SLC49A4: variants seen among roughly 807,000 people sequenced by gnomAD.
SLC49A4 encodes solute carrier family 49 member 4.
A neutral mutation model predicts 50.6 loss-of-function variants in SLC49A4; 36 were observed. That is an observed-to-expected ratio of 0.71 (90% CI 0.55 to 0.94). The LOEUF (loss-of-function observed/expected upper bound fraction) is 0.94. SLC49A4 is among the 40% of genes least tolerant of loss of function. SLC49A4 has a pLI of 0.00. For synonymous variants in SLC49A4, 248 were observed against 241.2 expected, an observed-to-expected ratio of 1.03 and a Z score of -0.26; for missense variants, 503 against 605.7, an observed-to-expected ratio of 0.83 and a Z score of 1.78.
intron 2 of SLC49A4, among the ~76,000 whole-genome samples, chr3:122,818,412 A>T (rs1381495244): frequency 2.0e-5 from 3 of 152,184 alleles, no homozygotes; most frequent in Non-Finnish European, 4.4e-5. Flanking sequence ...GGTTGTCTGA[A>T]TTGGGGTATT....
intron 5 of SLC49A4, among the ~76,000 whole-genome samples, chr3:122,848,043 A>G (rs900985541): frequency 1.3e-5 from 2 of 152,248 alleles, no homozygotes; most frequent in African/African-American, 2.4e-5. Flanking sequence ...TGAGACTAGC[A>G]GCTACCATGT....
intron 2 of SLC49A4, among the ~76,000 whole-genome samples, chr3:122,825,964 A>G (rs1428104580): frequency 6.6e-6 from 1 of 152,240 alleles, no homozygotes; most frequent in Non-Finnish European, 1.5e-5. Context: ...AATGGAAAAA[A>G]GAAACTGCTT....
At chr3:122,863,452 C>T (rs998097177) in intron 7 of SLC49A4, among the ~76,000 whole-genome samples, 5 of 152,150 alleles carry the variant, frequency 3.3e-5, no homozygotes, top group African/African-American at 1.2e-4. Context: ...TGTGGTCACT[C>T]TTATTCAGCA....
intron 5 of SLC49A4, among the ~76,000 whole-genome samples, chr3:122,854,174 A>G (rs1936957790): frequency 6.6e-6 from 1 of 152,210 alleles, no homozygotes; most frequent in African/African-American, 2.4e-5. Context: ...CCTACAGAAC[A>G]GAGAATTCTC....
chr3:122,872,774 C>G (rs1415773838), intron 8 of SLC49A4, among the ~76,000 whole-genome samples, 177 bp downstream of exon 8: 4 of 152,116 alleles, frequency 2.6e-5, no homozygotes, highest in Non-Finnish European at 5.9e-5. Context: ...CATTCTAGCT[C>G]AAGTGCACCC....
chr3:122,810,345 A>G (rs1189334313), intron 2 of SLC49A4, among the ~76,000 whole-genome samples: 2 of 152,222 alleles, frequency 1.3e-5, no homozygotes, highest in Non-Finnish European at 2.9e-5. Flanking sequence ...GGAACTTGGT[A>G]TAACAAATTA....
intron 2 of SLC49A4, among the ~76,000 whole-genome samples, chr3:122,814,957 C>T (rs2107560570): frequency 6.6e-6 from 1 of 152,278 alleles, no homozygotes; most frequent in South Asian, 2.1e-4. Context: ...CAGCTTTGTT[C>T]TGAAAGGTCC....
intron 6 of SLC49A4, among the ~76,000 whole-genome samples, chr3:122,857,284 TAAAAAAAAA>T (rs10694942): frequency 1.8e-5 from 2 of 109,410 alleles, no homozygotes; most frequent in Admixed American, 1.1e-4. Context: ...CCATTCGTTC[TAAAAAAAAA>T]AAAAAAAAAA....
At chr3:122,814,097 C>A (rs1936333589) in intron 2 of SLC49A4, among the ~76,000 whole-genome samples, 3 of 152,162 alleles carry the variant, frequency 2.0e-5, no homozygotes, top group Admixed American at 2.0e-4. Context: ...ATGGTGAAAC[C>A]TCGTCTCTAC....
At chr3:122,870,932 T>C (rs990043115) in intron 7 of SLC49A4, among the ~76,000 whole-genome samples, 1 of 152,090 alleles carries the variant, frequency 6.6e-6, no homozygotes, top group South Asian at 2.1e-4. Flanking sequence ...AATGTACCAC[T>C]AATGAGTCAT....
intron 2 of SLC49A4, among the ~76,000 whole-genome samples, chr3:122,814,793 CT>C (rs1225727348): frequency 2.0e-5 from 3 of 149,952 alleles, no homozygotes; most frequent in Non-Finnish European, 3.0e-5. Context: ...TTTTGTGTGA[CT>C]TTTTTTTTTC....
At chr3:122,856,742 A>G (rs1217827360) in intron 6 of SLC49A4, among the ~76,000 whole-genome samples, 5 of 151,802 alleles carry the variant, frequency 3.3e-5, no homozygotes, top group African/African-American at 1.2e-4. Context: ...AGGCTGAGGC[A>G]GGAGAATTGC....
intron 1 of SLC49A4, among the ~76,000 whole-genome samples, chr3:122,798,666 A>G (rs1228778267): frequency 2.6e-5 from 2 of 77,382 alleles, no homozygotes; most frequent in Non-Finnish European, 4.7e-5. Context: ...TTTTTTTGAG[A>G]CAGAGTCTCA....
rs563260496 is a variant in SLC49A4, at chr3:122,864,221, G to C, written c.1138+4019G>C. Among the ~76,000 whole-genome samples the C allele has an allele frequency of 1.2e-4, 19 of 152,172 alleles. No homozygotes were observed. In the South Asian group the frequency reaches 3.5e-3, roughly 28 times the overall value. Reference sequence around the variant, plus strand: ...ATATCCTCTTGGATGCTTTTCCTTAGGGAAACTCAGAATATTTAAAATTGC... The same window carrying C: ...ATATCCTCTTGGATGCTTTTCCTTACGGAAACTCAGAATATTTAAAATTGC... On this transcript the variant is annotated intron_variant, in intron 7 of 8. Coordinates refer to ENST00000261038, the MANE Select transcript of SLC49A4 (RefSeq NM_032839.3).
At chr3:122,843,210 A>G (rs934004459) in intron 4 of SLC49A4, among the ~76,000 whole-genome samples, 8 of 152,060 alleles carry the variant, frequency 5.3e-5, no homozygotes, top group Non-Finnish European at 8.8e-5. Context: ...TAAGCACTAC[A>G]TGGTTTATTT....
chr3:122,828,396 A>T (rs919467318), intron 3 of SLC49A4, among the ~76,000 whole-genome samples: 7 of 152,188 alleles, frequency 4.6e-5, no homozygotes, highest in Non-Finnish European at 1.0e-4. Context: ...GAGCCTGAGG[A>T]ATGAGAGAAC....
intron 2 of SLC49A4, among the ~76,000 whole-genome samples, chr3:122,814,043 G>A (rs1333916964): frequency 6.6e-6 from 1 of 152,216 alleles, no homozygotes; most frequent in Non-Finnish European, 1.5e-5. Context: ...GGCCAAGGCA[G>A]GTGGATCACT....
At chr3:122,875,655 A>T (rs951919077) in intron 8 of SLC49A4, among the ~76,000 whole-genome samples, 1 of 152,142 alleles carries the variant, frequency 6.6e-6, no homozygotes, top group Non-Finnish European at 1.5e-5. Context: ...CCCAGCCTAG[A>T]AGGCCTGATT....
At chr3:122,827,248 T>C (rs892676906) in intron 3 of SLC49A4, among the ~76,000 whole-genome samples, 183 bp downstream of exon 3, 1 of 152,166 alleles carries the variant, frequency 6.6e-6, no homozygotes, top group African/African-American at 2.4e-5. Context: ...TGAACACTCT[T>C]CCTAGGAAGT....
Sources: allele counts gnomAD v4.1 joint callset (sites outside exome capture counted in the v4.1 genomes callset), GRCh38; gene constraint gnomAD v4.1.1; transcripts MANE v1.5; gene names NCBI Gene and HGNC (gene_info 2026-07-23, HGNC 2026-07-21).